The following ZNF385D variants were observed in gnomAD, a reference collection of about 807,000 sequenced individuals.
The protein encoded by ZNF385D is zinc finger protein 659.
In ZNF385D, 15 loss-of-function variants were observed where a neutral mutation model predicts 35.8. The observed-to-expected ratio is 0.42, with a 90% CI of 0.28 to 0.64. The LOEUF is 0.64. Ranked by LOEUF, ZNF385D falls within the 30% of genes least tolerant of loss-of-function variation. The probability of loss-of-function intolerance (pLI) is 0.23; values close to 1 mark genes in which losing one functional copy is unlikely to be tolerated. For missense variants in ZNF385D, 474 were observed against 494.6 expected (o/e 0.96, Z 0.39); for synonymous variants, 212 against 186.8 (o/e 1.13, Z -1.10).
intron 2 of ZNF385D, among the ~76,000 whole-genome samples, chr3:22,306,402 T>A (rs1461003400): frequency 6.6e-6 from 1 of 152,126 alleles, no homozygotes; most frequent in Non-Finnish European, 1.5e-5. Context: ...CAGGAGAATG[T>A]CATATTATTA....
At chr3:21,423,846 C>T (rs1700859076) in intron 7 of ZNF385D, 117 bp downstream of exon 7, 3 of 903,106 alleles carry the variant, frequency 3.3e-6, no homozygotes, top group Admixed American at 3.4e-5. Flanking sequence ...CTGAACTCAA[C>T]TCAAAAAGGT....
intron 2 of ZNF385D, among the ~76,000 whole-genome samples, chr3:22,360,771 G>A (rs959824679): frequency 1.3e-5 from 2 of 151,876 alleles, no homozygotes; most frequent in African/African-American, 4.8e-5. Context: ...AAGAAACAAC[G>A]CTTCAACTTT....
At chr3:22,209,957 T>C (rs934041008) in intron 2 of ZNF385D, among the ~76,000 whole-genome samples, 2 of 151,878 alleles carry the variant, frequency 1.3e-5, no homozygotes, top group Admixed American at 6.6e-5. Flanking sequence ...AATTTCTAGA[T>C]ATTGAAAACT....
intron 2 of ZNF385D, among the ~76,000 whole-genome samples, chr3:22,283,339 G>C (rs542254826): frequency 5.9e-5 from 9 of 152,196 alleles, no homozygotes; most frequent in African/African-American, 1.9e-4. Context: ...GGACCTAACA[G>C]ATATTTACAG....
chr3:22,251,628 T>A (rs750295833), intron 2 of ZNF385D, among the ~76,000 whole-genome samples: 1 of 152,076 alleles, frequency 6.6e-6, no homozygotes, highest in Non-Finnish European at 1.5e-5. Flanking sequence ...ATGTCAGTAG[T>A]GAATCCCTCC....
chr3:21,845,057 C>T (rs972574342), intron 3 of ZNF385D, among the ~76,000 whole-genome samples: 1 of 151,782 alleles, frequency 6.6e-6, no homozygotes, highest in Non-Finnish European at 1.5e-5. Flanking sequence ...GAAATGTTAA[C>T]GCAGGTCTTA....
chr3:22,354,127 A>T (rs1696043314), intron 2 of ZNF385D, among the ~76,000 whole-genome samples: 1 of 152,104 alleles, frequency 6.6e-6, no homozygotes, highest in Admixed American at 6.5e-5. Flanking sequence ...GGAAAGAGAA[A>T]CATAGTTATA....
At chr3:22,247,855 G>A (rs189576333) in intron 2 of ZNF385D, among the ~76,000 whole-genome samples, 195 of 151,956 alleles carry the variant, frequency 1.3e-3, no homozygotes, top group African/African-American at 4.4e-3. Context: ...CACCTGCCTC[G>A]GCCTCCCAAA....
At chr3:21,831,012 C>G (rs1055900532) in intron 3 of ZNF385D, among the ~76,000 whole-genome samples, 1 of 152,126 alleles carries the variant, frequency 6.6e-6, no homozygotes, top group East Asian at 1.9e-4. Flanking sequence ...CCAAATGAGT[C>G]AGGTTCCAGG....
At chr3:21,684,747 ACAGAT>A (rs1197271131) in intron 1 of ZNF385D, among the ~76,000 whole-genome samples, 3 of 152,190 alleles carry the variant, frequency 2.0e-5, no homozygotes, top group African/African-American at 7.2e-5. Flanking sequence ...TGGGTGGCAA[ACAGAT>A]TTCCAAAGAA....
intron 2 of ZNF385D, among the ~76,000 whole-genome samples, chr3:22,193,321 G>C (rs1379706952): frequency 1.3e-5 from 2 of 151,902 alleles, no homozygotes; most frequent in Non-Finnish European, 2.9e-5. Context: ...TTTGAGCTTA[G>C]TCATTGTTTG....
chr3:21,511,491 CA>C, intron 3 of ZNF385D: 1 of 356,010 alleles, frequency 2.8e-6, no homozygotes, highest in Non-Finnish European at 5.5e-6. Flanking sequence ...AAGGTTCACA[CA>C]AAACAGGGGA....
chr3:22,136,424 A>G (rs898605267), intron 3 of ZNF385D, among the ~76,000 whole-genome samples: 10 of 152,172 alleles, frequency 6.6e-5, no homozygotes, highest in African/African-American at 2.4e-4. Context: ...CATATCATCA[A>G]AATTAAAACC....
intron 3 of ZNF385D, among the ~76,000 whole-genome samples, chr3:21,534,401 C>CCA (rs764099320): frequency 4.6e-5 from 7 of 151,694 alleles, no homozygotes; most frequent in East Asian, 1.9e-4. Context: ...ATAATCGCCA[C>CCA]CACACACACA....
Position 21,421,200 on chromosome 3 carries a change from C to A in ZNF385D, c.*14G>T. ...TTGAAAAATTATTGCAGTACAATTA[C>A]TCCTATTTGGAATTTAGTAAGGAGC... On this transcript the variant is annotated 3_prime_UTR_variant, in exon 8 of 8. Coordinates refer to ENST00000281523, the MANE Select transcript of ZNF385D (RefSeq NM_024697.3). 6.2e-7 allele frequency: 1 copy of A among 1,606,544 alleles called. No homozygotes were observed. The highest frequency in any genetic ancestry group is 8.5e-7 in the Non-Finnish European group (1 of 1,173,580).
intron 2 of ZNF385D, among the ~76,000 whole-genome samples, chr3:22,366,086 T>G (rs773624328): frequency 6.6e-6 from 1 of 152,064 alleles, no homozygotes; most frequent in African/African-American, 2.4e-5. Context: ...TTGTTTCAGG[T>G]TATATACAGT....
chr3:22,256,463 T>G (rs892733489), intron 2 of ZNF385D, among the ~76,000 whole-genome samples: 4 of 151,838 alleles, frequency 2.6e-5, no homozygotes, highest in African/African-American at 7.2e-5. Flanking sequence ...TTTTAGTTCC[T>G]GCCTACAGAG....
chr3:21,457,558 A>G (rs1702901482), intron 4 of ZNF385D, among the ~76,000 whole-genome samples: 1 of 151,918 alleles, frequency 6.6e-6, no homozygotes, highest in Admixed American at 6.6e-5. Flanking sequence ...GTTTCACCAT[A>G]TTGGCCAGGC....
chr3:22,024,922 G>T (rs968883061), intron 3 of ZNF385D, among the ~76,000 whole-genome samples: 1 of 152,130 alleles, frequency 6.6e-6, no homozygotes, highest in Non-Finnish European at 1.5e-5. Context: ...TTTATCTCCT[G>T]TAGAGAAAGA....
Sources: gnomAD v4.1 joint callset for allele counts (sites outside exome capture counted in the v4.1 genomes callset) on GRCh38, gnomAD v4.1.1 for gene constraint, MANE v1.5 for transcripts, NCBI Gene and HGNC (gene_info 2026-07-23, HGNC 2026-07-21) for gene names.